NCOR1: variants seen among roughly 807,000 people sequenced by gnomAD.
The protein encoded by NCOR1 is protein phosphatase 1, regulatory subunit 109.
NCOR1 carries 63 observed loss-of-function variants against 288.1 expected under a neutral mutation model. That is an observed-to-expected ratio of 0.22 (90% confidence interval 0.18 to 0.27). NCOR1 has a LOEUF of 0.27. Ranked by LOEUF, NCOR1 falls within the 10% of genes least tolerant of loss-of-function variation. The pLI, the probability that NCOR1 is intolerant of heterozygous loss-of-function variation, is 1.00. For missense variants in NCOR1, 2,397 were observed against 3,019.2 expected (o/e 0.79, Z 4.83); for synonymous variants, 1,007 against 1,065.9 (o/e 0.94, Z 1.08).
chr17:16,034,988 C>T, intron 44 of NCOR1, 44 bp from the exon 45 acceptor site: 2 of 1,551,286 alleles, frequency 1.3e-6, no homozygotes, highest in East Asian at 2.3e-5. Flanking sequence ...ATTAAGTTCT[C>T]AAAAATTACC....
At chr17:16,174,834 T>A (rs1270635366) in intron 3 of NCOR1, among the ~76,000 whole-genome samples, 1 of 152,142 alleles carries the variant, frequency 6.6e-6, no homozygotes, top group Non-Finnish European at 1.5e-5. Flanking sequence ...ATCTGGTAGT[T>A]TCTCAAATAG....
At chr17:16,068,615 C>A (rs1290474073) in intron 31 of NCOR1, among the ~76,000 whole-genome samples, 1 of 152,126 alleles carries the variant, frequency 6.6e-6, no homozygotes, top group Non-Finnish European at 1.5e-5. Flanking sequence ...TCTATCACCT[C>A]CCTACTCCAG....
Position 16,195,292 on chromosome 17 carries a change from G to A in NCOR1, c.-70-653C>T, listed in dbSNP as rs545356758. ...TCGAGACCAGCCTGGCCAACATGGT[G>A]AAACTTCTTTTCTACTAAAAATACA... On this transcript the variant is annotated intron_variant, in intron 1 of 45. Coordinates refer to ENST00000268712, the MANE Select transcript of NCOR1 (RefSeq NM_006311.4). Among the ~76,000 whole-genome samples the A allele has an allele frequency of 4.1e-4, 63 of 152,244 alleles. No homozygotes were observed. The Middle Eastern group carries it at 0.01, about 25-fold the overall frequency.
chr17:16,169,816 A>G (rs1205212542), intron 4 of NCOR1, among the ~76,000 whole-genome samples: 4 of 152,224 alleles, frequency 2.6e-5, no homozygotes, highest in Non-Finnish European at 4.4e-5. Context: ...CAGCCATGGA[A>G]GATGACCTTT....
intron 6 of NCOR1, among the ~76,000 whole-genome samples, chr17:16,155,894 C>G (rs16959547): frequency 0.05 from 7,536 of 152,242 alleles, 223 homozygotes; most frequent in African/African-American, 0.093. Flanking sequence ...GAGTACATAT[C>G]AGAAAGCCTG....
rs1417447222 is a variant in NCOR1, at chr17:16,158,876, A to G, written c.619-3T>C. 3 of 1,609,232 alleles carry G rather than the reference A, an allele frequency of 1.9e-6. No homozygotes were observed. The highest frequency in any genetic ancestry group is 2.6e-6 in the Non-Finnish European group (3 of 1,175,934). ...GCTGCCTCTTCTTCAAGCTGTTGCT[A>G]AGAGATCCAGAAAGAAAGAGTCAAG... On this transcript the variant is annotated splice_polypyrimidine_tract_variant and splice_region_variant and intron_variant, in intron 5 of 45. Coordinates refer to ENST00000268712, the MANE Select transcript of NCOR1 (RefSeq NM_006311.4).
intron 41 of NCOR1, among the ~76,000 whole-genome samples, chr17:16,048,050 G>C (rs73981425): frequency 0.037 from 5,662 of 152,308 alleles, 109 homozygotes; most frequent in East Asian, 0.078. Context: ...GCAACACTTT[G>C]TAAGAAAGGC....
rs150590605 is a variant in NCOR1, at chr17:16,182,871, A to G, written c.242+3683T>C. On this transcript the variant is annotated intron_variant, in intron 3 of 45. Coordinates refer to ENST00000268712, the MANE Select transcript of NCOR1 (RefSeq NM_006311.4). ...GAAGAAAAGAAATAAAAATTCAAGG[A>G]GAAAAAAAGGACAATATAAAGTTTC... is the stretch of plus-strand genomic sequence containing the variant. Among the ~76,000 whole-genome samples the G allele has an allele frequency of 4.3e-3, 657 of 152,300 alleles. 3 individuals carry two copies. Among genetic ancestry groups the G allele is most frequent in the Non-Finnish European group, 5.8e-3 (394 of 68,018 alleles).
At chr17:16,199,553 C>CGGAG (rs2090476477) in intron 1 of NCOR1, among the ~76,000 whole-genome samples, 1 of 151,200 alleles carries the variant, frequency 6.6e-6, no homozygotes, top group African/African-American at 2.4e-5. Flanking sequence ...CTCCACCCTT[C>CGGAG]ACTCTAGTCC....
At chr17:16,112,420 A>T (rs1373735506) in intron 18 of NCOR1, among the ~76,000 whole-genome samples, 1 of 152,232 alleles carries the variant, frequency 6.6e-6, no homozygotes, top group Non-Finnish European at 1.5e-5. Flanking sequence ...TAGCTTTACT[A>T]TCACACTTTA....
chr17:16,102,625 G>A (rs1342610167), intron 19 of NCOR1, among the ~76,000 whole-genome samples: 31 of 144,976 alleles, frequency 2.1e-4, no homozygotes, highest in East Asian at 2.1e-4. Flanking sequence ...GCAGAGTCTC[G>A]CTCTGTCACC....
chr17:16,061,753 C>G lies in NCOR1; in HGVS notation c.5529G>C (p.Lys1843Asn), dbSNP rs1326406385. The change falls in exon 37 of 46, where the codon AAG (lysine) becomes AAC (asparagine). Residue 1843 changes from lysine to asparagine, a missense_variant. Coordinates refer to ENST00000268712, the MANE Select transcript of NCOR1 (RefSeq NM_006311.4). ...QMDVSKTKESKHEAARLEENL... is the reference protein window; with the variant it reads ...QMDVSKTKESNHEAARLEENL... ...TTTCTTCTAACCTGGCAGCTTCATG[C>G]TTACTCTCTTTTGTTTTGGACACAT... 1 of 1,614,224 alleles carries G rather than the reference C, an allele frequency of 6.2e-7. No individual in the cohort carries two copies. The highest frequency in any genetic ancestry group is 8.5e-7 in the Non-Finnish European group (1 of 1,180,042).
intron 38 of NCOR1, 42 bp from the exon 39 acceptor site, chr17:16,058,106 T>C: frequency 6.3e-7 from 1 of 1,590,376 alleles, no homozygotes; most frequent in South Asian, 1.1e-5. Context: ...GGAATGTCTG[T>C]GCTTTTCACT....
chr17:16,033,919 C>T (rs1224913593), intron 45 of NCOR1, among the ~76,000 whole-genome samples: 1 of 151,740 alleles, frequency 6.6e-6, no homozygotes, highest in Non-Finnish European at 1.5e-5. Context: ...GATTCTCCCA[C>T]CTCTGACCTC....
At chr17:16,201,573 G>C (rs997423151) in intron 1 of NCOR1, among the ~76,000 whole-genome samples, 2 of 152,140 alleles carry the variant, frequency 1.3e-5, no homozygotes, top group African/African-American at 4.8e-5. Context: ...ACTCCAGCCT[G>C]AGCAAGAGAA....
At chr17:16,149,867 T>C (rs1170344893) in intron 8 of NCOR1, among the ~76,000 whole-genome samples, 1 of 151,968 alleles carries the variant, frequency 6.6e-6, no homozygotes, top group African/African-American at 2.4e-5. Context: ...AGAAGGGAGG[T>C]AGAAGAGAAG....
rs758544672 is a variant in NCOR1 at position 16,061,722 on chromosome 17, T to C, written c.5560A>G (p.Arg1854Gly). ...HEAARLEENL[R>G]SRSAAVSEQQ... ...TCACTAACTGCTGCTGACCTGCTTC[T>C]CAAATTTTCTTCTAACCTGGCAGCT... Residue 1854 changes from arginine (R) to glycine (G), a missense_variant, in exon 37 of 46, where the codon AGA becomes GGA. By Grantham distance (125) the Arg-to-Gly change is moderately radical. This residue lies in a region of NCOR1 where 1,872 missense variants were observed against 2,187.8 expected (regional missense o/e 0.86). Coordinates refer to ENST00000268712, the MANE Select transcript of NCOR1 (RefSeq NM_006311.4). 1.2e-6 allele frequency: 2 copies of C among 1,614,130 alleles called. No homozygotes were observed. Among genetic ancestry groups the C allele is most frequent in the South Asian group, 2.2e-5 (2 of 91,088 alleles).
At chr17:16,037,447 A>G (rs919262463) in intron 44 of NCOR1, among the ~76,000 whole-genome samples, 4 of 152,190 alleles carry the variant, frequency 2.6e-5, no homozygotes, top group Admixed American at 2.6e-4. Context: ...GTATGCTTGC[A>G]TTTAAAAGAA....
chr17:16,050,301 T>G (rs114203299), intron 40 of NCOR1, among the ~76,000 whole-genome samples: 2,679 of 151,750 alleles, frequency 0.018, 81 homozygotes, highest in African/African-American at 0.062. Flanking sequence ...TGGCTCACTA[T>G]AACCTCCACC....
Sources: gnomAD v4.1 joint callset for allele counts (sites outside exome capture counted in the v4.1 genomes callset) on GRCh38, gnomAD v4.1.1 for gene constraint, gnomAD v4.1.1 regional missense constraint, MANE v1.5 for transcripts, NCBI Gene and HGNC (gene_info 2026-07-23, HGNC 2026-07-21) for gene names.